NELL1: variants seen among roughly 807,000 people sequenced by gnomAD.
NELL1 encodes neural EGFL like 1, also known as protein kinase C-binding protein NELL1.
Under a neutral mutation model 107.4 loss-of-function variants are expected in NELL1, and 76 were observed. The ratio of observed to expected loss-of-function variants is 0.71; its 90% CI spans 0.59 to 0.86. The LOEUF (loss-of-function observed/expected upper bound fraction) is 0.86. Among genes scored for constraint, NELL1 ranks in the 40% least tolerant of loss-of-function variants. The probability of loss-of-function intolerance (pLI) is 0.00; values close to 1 mark genes in which losing one functional copy is unlikely to be tolerated. For synonymous variants in NELL1, 353 were observed against 341.2 expected (o/e 1.03, Z -0.38); for missense variants, 1,024 against 1,005.5 (o/e 1.02, Z -0.25).
chr11:21,527,620 G>A (rs1049415118), intron 15 of NELL1, among the ~76,000 whole-genome samples: 3 of 152,126 alleles, frequency 2.0e-5, no homozygotes, highest in Non-Finnish European at 2.9e-5. Context: ...CCCACAATAG[G>A]CCATCTGCAA....
intron 13 of NELL1, among the ~76,000 whole-genome samples, chr11:21,166,793 A>G (rs1237505787): frequency 6.6e-6 from 1 of 151,970 alleles, no homozygotes; most frequent in Non-Finnish European, 1.5e-5. Flanking sequence ...AAATGTACAG[A>G]TGAAGAAACA....
chr11:21,006,702 T>C (rs1474429045), intron 12 of NELL1, among the ~76,000 whole-genome samples: 2 of 152,080 alleles, frequency 1.3e-5, no homozygotes, highest in Non-Finnish European at 2.9e-5. Flanking sequence ...CCCCAACGCC[T>C]CTCAGGGTTG....
intron 12 of NELL1, among the ~76,000 whole-genome samples, chr11:21,110,512 A>G (rs1162498392): frequency 6.6e-6 from 1 of 152,142 alleles, no homozygotes; most frequent in Admixed American, 6.5e-5. Flanking sequence ...TCAAATCTAG[A>G]TGAGGCAGAG....
intron 3 of NELL1, among the ~76,000 whole-genome samples, chr11:20,784,585 C>T (rs11025758): frequency 0.29 from 43,491 of 151,982 alleles, 7,023 homozygotes; most frequent in African/African-American, 0.43. Flanking sequence ...GCCAGATCAT[C>T]GCAAAGCTTC....
chr11:20,960,351 TA>T, intron 11 of NELL1, 80 bp from the exon 12 acceptor site: 1 of 1,408,656 alleles, frequency 7.1e-7, no homozygotes. Context: ...TGACATATAA[TA>T]AAAAATGTTA....
chr11:21,573,407 A>G lies in NELL1; in HGVS notation c.2380A>G (p.Lys794Glu), dbSNP rs747414049. The G allele has an allele frequency of 1.9e-5, 31 of 1,610,824 alleles. No individual in the cohort carries two copies. The East Asian group carries it at 5.8e-4, about 30-fold the overall frequency. The change falls in exon 19 of 20, where the codon AAG (lysine) becomes GAG (glutamate). Residue 794 changes from lysine to glutamate, a missense_variant and splice_region_variant. Coordinates refer to ENST00000357134, the MANE Select transcript of NELL1 (RefSeq NM_006157.5). ...ATCTCCCTGCACAACCTGTAAATGC[A>G]AGGTAATTGGATGTTCTGCGGATAT... ...AGSPCTTCKC[K>E]NGRVCCSVDF...
chr11:21,226,187 A>G (rs1301292165), intron 13 of NELL1, among the ~76,000 whole-genome samples: 4 of 152,224 alleles, frequency 2.6e-5, no homozygotes, highest in Non-Finnish European at 4.4e-5. Context: ...CTTGGGCATG[A>G]CTAAAGAAAA....
chr11:21,457,466 C>T (rs1853775499), intron 15 of NELL1, among the ~76,000 whole-genome samples: 1 of 152,114 alleles, frequency 6.6e-6, no homozygotes, highest in Non-Finnish European at 1.5e-5. Context: ...TCATTAAGAA[C>T]AGTGAGGTAA....
chr11:20,726,124 A>G (rs1401842397), intron 2 of NELL1, among the ~76,000 whole-genome samples: 1 of 152,166 alleles, frequency 6.6e-6, no homozygotes, highest in African/African-American at 2.4e-5. Flanking sequence ...TATATACCAC[A>G]CTTTCCTTAT....
chr11:20,938,214 C>T (rs910830007), intron 10 of NELL1, among the ~76,000 whole-genome samples: 1 of 152,158 alleles, frequency 6.6e-6, no homozygotes, highest in Non-Finnish European at 1.5e-5. Flanking sequence ...ATAATACTAA[C>T]TCTACTCCCA....
chr11:20,755,534 GTTTTTGTTTTTTTTTGTTTTTGTTTTTGT>G (rs151155212), intron 2 of NELL1, among the ~76,000 whole-genome samples: 29,108 of 90,146 alleles, frequency 0.32, 3,598 homozygotes, highest in East Asian at 0.46. Flanking sequence ...ACCTGTGTGG[GTTTTTGTTTTTTTTTGTTTTTGTTTTTGT>G]TTTTTTTTTT....
intron 12 of NELL1, among the ~76,000 whole-genome samples, chr11:21,031,190 G>A (rs757638860): frequency 9.2e-5 from 14 of 152,190 alleles, no homozygotes; most frequent in East Asian, 1.9e-4. Context: ...CAGATAGACC[G>A]TTCTGTGCAC....
At chr11:21,281,507 C>A (rs1848993102) in intron 14 of NELL1, among the ~76,000 whole-genome samples, 1 of 152,164 alleles carries the variant, frequency 6.6e-6, no homozygotes. Context: ...AGGATGCAAG[C>A]CTGGCTGGCT....
chr11:21,510,006 G>A (rs11601380), intron 15 of NELL1, among the ~76,000 whole-genome samples: 24,435 of 152,114 alleles, frequency 0.16, 2,038 homozygotes, highest in Admixed American at 0.17. Context: ...GTAGGTGCAT[G>A]TACATGGTGA....
intron 15 of NELL1, among the ~76,000 whole-genome samples, chr11:21,398,969 C>T (rs1229251480): frequency 1.3e-5 from 2 of 151,352 alleles, no homozygotes; most frequent in African/African-American, 4.8e-5. Context: ...CAGTTAGTGA[C>T]AGTACTCAGA....
At position 20,919,614 on chromosome 11, in the gene NELL1, T is replaced by G. The variant is rs74509907; in HGVS notation, c.759+280T>G. ...TTCCATGGGAGTGGAAAAGGAATTT[T>G]CCTATTGGCTATTAAAGTAGTAACA... On this transcript the variant is annotated intron_variant, in intron 7 of 19. Coordinates refer to ENST00000357134, the MANE Select transcript of NELL1 (RefSeq NM_006157.5). Among the ~76,000 whole-genome samples the G allele has an allele frequency of 6.8e-3, 1,033 of 152,214 alleles. 9 individuals are homozygous for G. The highest frequency in any genetic ancestry group is 0.023 in the African/African-American group (974 of 41,566).
intron 12 of NELL1, among the ~76,000 whole-genome samples, chr11:21,092,954 C>T (rs368452721): frequency 3.3e-5 from 5 of 151,668 alleles, no homozygotes; most frequent in African/African-American, 7.3e-5. Flanking sequence ...GGTGGTCTGG[C>T]GGGATCAGAG....
chr11:21,224,747 CAATT>C (rs1395470900), intron 13 of NELL1, among the ~76,000 whole-genome samples: 6 of 152,130 alleles, frequency 3.9e-5, no homozygotes, highest in Admixed American at 1.3e-4. Flanking sequence ...TTGACATTCT[CAATT>C]AAAGTTTTAT....
intron 12 of NELL1, among the ~76,000 whole-genome samples, chr11:21,038,192 C>T (rs892777389): frequency 7.9e-5 from 12 of 152,212 alleles, no homozygotes; most frequent in East Asian, 1.9e-4. Context: ...ATATGAGCCA[C>T]GAGTCCATGT....
Sources: gnomAD v4.1 joint callset for allele counts (sites outside exome capture counted in the v4.1 genomes callset) on GRCh38, gnomAD v4.1.1 for gene constraint, MANE v1.5 for transcripts, NCBI Gene and HGNC (gene_info 2026-07-23, HGNC 2026-07-21) for gene names.